MGST3: variants seen among roughly 807,000 people sequenced by gnomAD.
MGST3 encodes the protein glutathione S-transferase 3, mitochondrial.
Under a neutral mutation model 15.8 loss-of-function variants are expected in MGST3, and 13 were observed. The ratio of observed to expected loss-of-function variants is 0.82; its 90% CI spans 0.54 to 1.31. MGST3 has a LOEUF of 1.31. Among genes scored for constraint, MGST3 ranks in the 50% most tolerant of loss-of-function variants. The pLI, the probability that MGST3 is intolerant of heterozygous loss-of-function variation, is 0.00. For missense variants in MGST3, 155 were observed against 192.4 expected (o/e 0.81, Z 1.15); for synonymous variants, 49 against 68.1 (o/e 0.72, Z 1.38).
intron 1 of MGST3, among the ~76,000 whole-genome samples, chr1:165,633,984 C>T (rs1016661844): frequency 6.6e-6 from 1 of 151,186 alleles, no homozygotes; most frequent in African/African-American, 2.4e-5. Context: ...TGCTGACACT[C>T]ATTAAAAAGA....
chr1:165,631,554 A>T (rs1647943322), intron 1 of MGST3, among the ~76,000 whole-genome samples: 1 of 152,054 alleles, frequency 6.6e-6, no homozygotes, highest in Non-Finnish European at 1.5e-5. Context: ...ACTCAGGAAA[A>T]TTCTCAAGGT....
At chr1:165,651,732 C>T (rs897195781) in intron 3 of MGST3, 1 of 432,174 alleles carries the variant, frequency 2.3e-6, no homozygotes, top group Non-Finnish European at 4.2e-6. Context: ...GGCAAAACCC[C>T]ATCTCTACAA....
chr1:165,644,305 C>T (rs1347640126), intron 1 of MGST3, among the ~76,000 whole-genome samples: 1 of 152,198 alleles, frequency 6.6e-6, no homozygotes, highest in Non-Finnish European at 1.5e-5. Context: ...TAGCCTATTG[C>T]TTCTAGGCTG....
chr1:165,646,864 G>A lies in MGST3; in HGVS notation c.-7-2977G>A, dbSNP rs542990269. 15 of 152,406 alleles carry A rather than the reference G, an allele frequency of 9.8e-5. No individual in the cohort carries two copies. In the East Asian group the frequency reaches 2.9e-3, roughly 29 times the overall value. 9.4% of individuals were successfully genotyped at this position (152,406 alleles called of 1,614,324 possible). A position where few individuals can be genotyped will look rare whatever the true frequency, so the allele number is the denominator to read the frequency against. On this transcript the variant is annotated intron_variant, in intron 1 of 5. Coordinates refer to ENST00000367889, the MANE Select transcript of MGST3 (RefSeq NM_004528.4). The stretch of plus-strand genomic sequence containing the variant: ...CCTCACTTGGTAGGAGTGCAAGGAG[G>A]TATCAGGGAGGGCTGTTCTGCTGCC...
intron 1 of MGST3, chr1:165,646,972 A>G (rs544014117): frequency 1.3e-5 from 2 of 152,368 alleles, no homozygotes; most frequent in African/African-American, 4.8e-5. Context: ...CTCAGGGAGA[A>G]CAGTCACGCT....
rs773081205 is a variant in MGST3, at chr1:165,648,061, A to G, written c.-7-1780A>G. Among the ~76,000 whole-genome samples, 82 of 152,356 alleles carry G rather than the reference A, an allele frequency of 5.4e-4. No homozygotes were observed. In the Middle Eastern group the frequency reaches 0.014, roughly 25 times the overall value. On this transcript the variant is annotated intron_variant, in intron 1 of 5. Coordinates refer to ENST00000367889, the MANE Select transcript of MGST3 (RefSeq NM_004528.4). ...ATTTATTTTCAAAGAGGTGTTCAGA[A>G]TTCACACTCTGTTTTTCTTTTAATA...
intron 1 of MGST3, among the ~76,000 whole-genome samples, chr1:165,648,254 C>T (rs531329172): frequency 3.9e-5 from 6 of 152,314 alleles, no homozygotes; most frequent in Admixed American, 6.5e-5. Flanking sequence ...CCCCAGCCCC[C>T]GGAGGGGCAG....
chr1:165,643,326 G>A (rs1648308781), intron 1 of MGST3, among the ~76,000 whole-genome samples: 1 of 152,088 alleles, frequency 6.6e-6, no homozygotes, highest in African/African-American at 2.4e-5. Flanking sequence ...AAATATTGCT[G>A]AAGTAAATAT....
At chr1:165,646,887 G>C (rs1648419105) in intron 1 of MGST3, 1 of 152,302 alleles carries the variant, frequency 6.6e-6, no homozygotes, top group Non-Finnish European at 1.5e-5. Flanking sequence ...CTGTTCTGCT[G>C]CCCTTCTCGC....
intron 1 of MGST3, among the ~76,000 whole-genome samples, chr1:165,642,126 A>C (rs369176156): frequency 6.6e-6 from 1 of 152,150 alleles, no homozygotes; most frequent in Non-Finnish European, 1.5e-5. Flanking sequence ...GAAGGGAAAA[A>C]TCTGGAATTG....
At chr1:165,635,960 C>G (rs527815146) in intron 1 of MGST3, 19 of 152,202 alleles carry the variant, frequency 1.2e-4, no homozygotes, top group Admixed American at 8.5e-4. Flanking sequence ...ACTGAATATG[C>G]AATGCAATTG....
intron 1 of MGST3, among the ~76,000 whole-genome samples, chr1:165,633,658 G>A (rs1210563735): frequency 6.6e-6 from 1 of 152,088 alleles, no homozygotes. Flanking sequence ...CCTTTGGGGT[G>A]GTTGGTACCC....
intron 3 of MGST3, 23 bp downstream of exon 3, chr1:165,651,110 A>T (rs949133903): frequency 3.7e-6 from 6 of 1,610,446 alleles, no homozygotes; most frequent in Non-Finnish European, 5.1e-6. Context: ...CCTGCCGGGC[A>T]CCAAAGACAT....
At chr1:165,651,111 C>T (rs1648541413) in intron 3 of MGST3, 24 bp downstream of exon 3, 7 of 1,608,318 alleles carry the variant, frequency 4.4e-6, no homozygotes, top group South Asian at 2.2e-5. Context: ...CTGCCGGGCA[C>T]CAAAGACATC....
chr1:165,652,639 A>T (rs1487534288), intron 4 of MGST3, among the ~76,000 whole-genome samples: 1 of 152,132 alleles, frequency 6.6e-6, no homozygotes, highest in Non-Finnish European at 1.5e-5. Flanking sequence ...GTATAAAAGG[A>T]GGTGAGGGAG....
At position 165,632,086 on chromosome 1, in the gene MGST3, CTGA is replaced by C. The variant is rs9333377; in HGVS notation, c.-8+795_-8+797del. ...TCATTCCCCGAAGTTGTGGCTTCTG[CTGA>C]TACTTTCCTTGAGAGTCACGAGTTT... is the stretch of plus-strand genomic sequence containing the variant. On this transcript the variant is annotated intron_variant, in intron 1 of 5. Coordinates refer to ENST00000367889, the MANE Select transcript of MGST3 (RefSeq NM_004528.4). 7,852 of 648,218 alleles carry C rather than the reference CTGA, an allele frequency of 0.012. 430 individuals are homozygous for C. The African/African-American group carries it at 0.12, about 10-fold the overall frequency. The allele number at this position is 648,218 out of a possible 1,614,324, so 40.2% of individuals were successfully genotyped here.
intron 4 of MGST3, among the ~76,000 whole-genome samples, chr1:165,652,909 A>G (rs16848876): frequency 0.11 from 17,397 of 152,202 alleles, 3,209 homozygotes; most frequent in African/African-American, 0.39. Flanking sequence ...ATTAATTGCC[A>G]TTTGGGTCTT....
chr1:165,633,607 C>T (rs147490450), intron 1 of MGST3, among the ~76,000 whole-genome samples: 31 of 152,212 alleles, frequency 2.0e-4, no homozygotes, highest in African/African-American at 7.2e-4. Flanking sequence ...AAAGGTCGAA[C>T]CCCTGTTTCA....
At chr1:165,645,159 C>T (rs1290374508) in intron 1 of MGST3, among the ~76,000 whole-genome samples, 3 of 152,166 alleles carry the variant, frequency 2.0e-5, no homozygotes, top group African/African-American at 7.2e-5. Flanking sequence ...CAGTTCAGAA[C>T]ACCCATACTG....
Sources: allele counts gnomAD v4.1 joint callset (sites outside exome capture counted in the v4.1 genomes callset), GRCh38; gene constraint gnomAD v4.1.1; transcripts MANE v1.5; gene names NCBI Gene and HGNC (gene_info 2026-07-23, HGNC 2026-07-21).